Variants in DLC1 observed in about 807,000 individuals in gnomAD.
DLC1 encodes rho GTPase-activating protein 7.
In DLC1, 54 loss-of-function variants were observed where a neutral mutation model predicts 140.3. The ratio of observed to expected loss-of-function variants is 0.38; its 90% CI spans 0.31 to 0.48. The LOEUF (loss-of-function observed/expected upper bound fraction) is 0.48. DLC1 is among the 20% of genes least tolerant of loss of function. DLC1 has a pLI of 0.96. For synonymous variants in DLC1, 986 were observed against 728.1 expected (o/e 1.35, Z -5.70); for missense variants, 2,536 against 1,907.0 (o/e 1.33, Z -6.14).
At chr8:13,388,671 A>G (rs559830804) in intron 4 of DLC1, among the ~76,000 whole-genome samples, 3 of 152,138 alleles carry the variant, frequency 2.0e-5, no homozygotes, top group Non-Finnish European at 4.4e-5. Context: ...GAAAAATAAC[A>G]TCTGATGTGA....
intron 2 of DLC1, among the ~76,000 whole-genome samples, chr8:13,463,476 A>C (rs575714449): frequency 1.3e-5 from 2 of 152,280 alleles, no homozygotes; most frequent in Non-Finnish European, 2.9e-5. Flanking sequence ...CTAACAGAAT[A>C]TTTCCTACGG....
Position 13,459,007 on chromosome 8 carries a change from T to C in DLC1, c.1023+40042A>G, listed in dbSNP as rs1358559150. Among the ~76,000 whole-genome samples, 9 of 152,350 alleles carry C rather than the reference T, an allele frequency of 5.9e-5. No homozygotes were observed. The South Asian group carries it at 1.9e-3, about 32-fold the overall frequency. On this transcript the variant is annotated intron_variant, in intron 2 of 17. Coordinates refer to ENST00000276297, the MANE Select transcript of DLC1 (RefSeq NM_182643.3). The stretch of plus-strand genomic sequence containing the variant: ...TAACCAGCTAAAAATTTTGATTCAA[T>C]TCTATGACCACACATCAATCTATTT...
At chr8:13,502,852 C>A (rs1424822583) in intron 1 of DLC1, among the ~76,000 whole-genome samples, 2 of 152,108 alleles carry the variant, frequency 1.3e-5, no homozygotes, top group African/African-American at 2.4e-5. Context: ...AATTGTAGGT[C>A]ATTTCAGGAT....
intron 2 of DLC1, among the ~76,000 whole-genome samples, chr8:13,439,834 C>G (rs542069418): frequency 1.3e-5 from 2 of 152,262 alleles, no homozygotes; most frequent in East Asian, 1.9e-4. Flanking sequence ...TGGCTTCCTT[C>G]ACTACTCATC....
chr8:13,462,759 T>C (rs1799731163), intron 2 of DLC1, among the ~76,000 whole-genome samples: 1 of 152,166 alleles, frequency 6.6e-6, no homozygotes, highest in African/African-American at 2.4e-5. Context: ...CTGTTCTTTA[T>C]ATCTAAGTTA....
intron 7 of DLC1, among the ~76,000 whole-genome samples, chr8:13,103,669 A>G (rs1819297102): frequency 6.6e-6 from 1 of 151,468 alleles, no homozygotes; most frequent in African/African-American, 2.4e-5. Context: ...CGAAACCCCA[A>G]CTCTACTAAA....
At chr8:13,543,979 C>G (rs1051565650) in intron 1 of DLC1, among the ~76,000 whole-genome samples, 6 of 150,892 alleles carry the variant, frequency 4.0e-5, no homozygotes, top group South Asian at 2.1e-4. Flanking sequence ...CCAGTTGTAC[C>G]CCAAAAGCTA....
At chr8:13,369,846 TCTC>T (rs1329280508) in intron 4 of DLC1, among the ~76,000 whole-genome samples, 1 of 149,346 alleles carries the variant, frequency 6.7e-6, no homozygotes, top group African/African-American at 2.5e-5. Context: ...TCTCCGATCG[TCTC>T]CTCAGAGCCC....
intron 5 of DLC1, among the ~76,000 whole-genome samples, chr8:13,270,275 T>A (rs1830877197): frequency 6.6e-6 from 1 of 152,196 alleles, no homozygotes. Flanking sequence ...GTAATTACAG[T>A]GGCCTTTGGT....
intron 5 of DLC1, chr8:13,276,462 G>A: frequency 7.3e-7 from 1 of 1,360,964 alleles, no homozygotes; most frequent in Non-Finnish European, 9.4e-7. Flanking sequence ...ACTCCGCCCC[G>A]CGCTGTGCTC....
At chr8:13,554,103 G>A (rs548916448) in intron 1 of DLC1, among the ~76,000 whole-genome samples, 4 of 151,976 alleles carry the variant, frequency 2.6e-5, no homozygotes, top group Non-Finnish European at 5.9e-5. Flanking sequence ...GTCTCACTCT[G>A]TGGCCCAGGT....
chr8:13,327,472 A>AT (rs1331304323), intron 4 of DLC1, among the ~76,000 whole-genome samples: 24 of 103,612 alleles, frequency 2.3e-4, no homozygotes, highest in Admixed American at 7.6e-4. Context: ...TATTTCTGGC[A>AT]TTTTTTTTTC....
intron 1 of DLC1, among the ~76,000 whole-genome samples, chr8:13,571,342 T>G (rs892863506): frequency 6.6e-5 from 10 of 152,258 alleles, no homozygotes; most frequent in Admixed American, 3.9e-4. Flanking sequence ...AAACAGAAAC[T>G]CAACCCGTTC....
In DLC1 at chr8:13,538,348, A is replaced by C. The variant is rs148289166; in HGVS notation, c.-125-38152T>G. On this transcript the variant is annotated intron_variant, in intron 1 of 1. Transcript: ENST00000631382. ...TATTTTGGTTAGTCACTCCCAAAAT[A>C]GTGGTGCCAGCACTGAGTATAAAAA... Among the ~76,000 whole-genome samples, 1,011 of 151,138 alleles carry C rather than the reference A, an allele frequency of 6.7e-3. 12 individuals carry two copies. Among genetic ancestry groups the C allele is most frequent in the African/African-American group, 0.023 (917 of 40,638 alleles).
intron 4 of DLC1, among the ~76,000 whole-genome samples, chr8:13,333,892 T>C (rs1343030800): frequency 6.6e-6 from 1 of 152,152 alleles, no homozygotes; most frequent in Non-Finnish European, 1.5e-5. Flanking sequence ...TTTTCAAGTG[T>C]CTTCTCTGTG....
At chr8:13,272,019 A>C (rs1830952321) in intron 5 of DLC1, among the ~76,000 whole-genome samples, 1 of 152,228 alleles carries the variant, frequency 6.6e-6, no homozygotes, top group Non-Finnish European at 1.5e-5. Flanking sequence ...CACATATCTC[A>C]ATCAGGTGGA....
intron 2 of DLC1, among the ~76,000 whole-genome samples, chr8:13,415,401 A>T (rs943488096): frequency 1.4e-5 from 2 of 139,274 alleles, no homozygotes; most frequent in Non-Finnish European, 3.1e-5. Flanking sequence ...AAAATATTTA[A>T]TTTTTTTTTT....
At chr8:13,504,447 A>C (rs935440962) in intron 1 of DLC1, among the ~76,000 whole-genome samples, 1 of 152,186 alleles carries the variant, frequency 6.6e-6, no homozygotes, top group Non-Finnish European at 1.5e-5. Flanking sequence ...TAAGAGAAGA[A>C]ATTTTTCAAA....
At chr8:13,164,779 CTG>C (rs758483443) in intron 5 of DLC1, among the ~76,000 whole-genome samples, 2 of 152,314 alleles carry the variant, frequency 1.3e-5, no homozygotes, top group South Asian at 4.1e-4. Flanking sequence ...TACCCAGACA[CTG>C]TCAATGGCAT....
Sources: gnomAD v4.1 joint callset for allele counts (sites outside exome capture counted in the v4.1 genomes callset) on GRCh38, gnomAD v4.1.1 for gene constraint, MANE v1.5 for transcripts, NCBI Gene and HGNC (gene_info 2026-07-23, HGNC 2026-07-21) for gene names.